The following TTC4 variants were observed in gnomAD, a reference collection of about 807,000 sequenced individuals.
The protein encoded by TTC4 is tetratricopeptide repeat domain 4.
Under a neutral mutation model 51.9 loss-of-function variants are expected in TTC4, and 36 were observed. The ratio of observed to expected loss-of-function variants is 0.69; its 90% CI spans 0.53 to 0.92. TTC4 has a LOEUF of 0.92. Ranked by LOEUF, TTC4 falls within the 40% of genes least tolerant of loss-of-function variation. The pLI is 0.00. For synonymous variants in TTC4, 144 were observed against 164.2 expected, an observed-to-expected ratio of 0.88 and a Z score of 0.94; for missense variants, 399 against 454.6, an observed-to-expected ratio of 0.88 and a Z score of 1.11.
At chr1:54,737,377 T>G in intron 8 of TTC4, 1 of 530,722 alleles carries the variant, frequency 1.9e-6, no homozygotes. Flanking sequence ...CTTGATTCTG[T>G]CTTTGGAAGA....
At chr1:54,721,641 G>A (rs2101307158) in intron 4 of TTC4, among the ~76,000 whole-genome samples, 1 of 152,252 alleles carries the variant, frequency 6.6e-6, no homozygotes, top group African/African-American at 2.4e-5. Flanking sequence ...CTTGTAGTCT[G>A]ACCTTTCTAT....
chr1:54,719,054 T>G (rs1645710694), intron 3 of TTC4, among the ~76,000 whole-genome samples: 4 of 152,208 alleles, frequency 2.6e-5, no homozygotes. Flanking sequence ...GACCAAGGGC[T>G]CAATCTTTAA....
intron 8 of TTC4, among the ~76,000 whole-genome samples, chr1:54,736,478 C>T (rs994022980): frequency 2.6e-5 from 4 of 152,024 alleles, no homozygotes; most frequent in African/African-American, 7.2e-5. Context: ...TCAAACAATC[C>T]TCCCACCTCA....
chr1:54,728,273 T>C (rs1003426528), intron 5 of TTC4, 73 bp from the exon 6 acceptor site: 1 of 1,378,528 alleles, frequency 7.3e-7, no homozygotes, highest in Non-Finnish European at 1.0e-6. Context: ...GAGATAATAA[T>C]TTAGGAGCAG....
chr1:54,739,811 G>A (rs1645990303), intron 9 of TTC4, among the ~76,000 whole-genome samples: 1 of 152,226 alleles, frequency 6.6e-6, no homozygotes, highest in African/African-American at 2.4e-5. Context: ...AGGCCTGAAT[G>A]CCCTGCTAAG....
At chr1:54,734,366 C>T (rs577832520) in intron 8 of TTC4, among the ~76,000 whole-genome samples, 2 of 151,518 alleles carry the variant, frequency 1.3e-5, no homozygotes, top group African/African-American at 4.8e-5. Flanking sequence ...GCCACCATGC[C>T]CAACCAGAAT....
intron 5 of TTC4, among the ~76,000 whole-genome samples, chr1:54,726,411 A>T (rs894651515): frequency 6.6e-6 from 1 of 152,196 alleles, no homozygotes; most frequent in African/African-American, 2.4e-5. Context: ...AACCATCTAT[A>T]TGCAGACAAC....
chr1:54,728,519 A>G, intron 6 of TTC4, 87 bp downstream of exon 6: 1 of 1,291,348 alleles, frequency 7.7e-7, no homozygotes, highest in Non-Finnish European at 1.1e-6. Flanking sequence ...GGGATGCTTT[A>G]CCTGAAGGAA....
chr1:54,735,041 G>C (rs921906211), intron 8 of TTC4, among the ~76,000 whole-genome samples: 5 of 151,982 alleles, frequency 3.3e-5, no homozygotes, highest in Admixed American at 6.5e-5. Context: ...CAGTATGGAA[G>C]AGCTCCTCAG....
chr1:54,722,525 C>A, intron 4 of TTC4, 150 bp from the exon 5 acceptor site: 3 of 1,117,366 alleles, frequency 2.7e-6, no homozygotes, highest in Non-Finnish European at 3.8e-6. Flanking sequence ...AGTATTCTCC[C>A]TTGTCTGGGG....
At chr1:54,738,382 C>T (rs771338577) in intron 9 of TTC4, among the ~76,000 whole-genome samples, 3 of 152,190 alleles carry the variant, frequency 2.0e-5, no homozygotes, top group African/African-American at 4.8e-5. Context: ...AACCATATCA[C>T]TCAGGCACCA....
chr1:54,725,913 A>T lies in TTC4; in HGVS notation c.595-2433A>T, dbSNP rs572626367. Among the ~76,000 whole-genome samples, 4 of 152,334 alleles carry T rather than the reference A, an allele frequency of 2.6e-5. No individual in the cohort carries two copies. The South Asian group carries it at 8.3e-4, about 32-fold the overall frequency. On this transcript the variant is annotated intron_variant, in intron 5 of 9. Transcript: ENST00000371281. ...CATCACACTTAAGATGTATCAGTTG[A>T]GATTATCCAGTCTGAAGAACAGAAT... is the stretch of plus-strand genomic sequence containing the variant.
At chr1:54,728,237 C>T (rs2101330863) in intron 5 of TTC4, 109 bp from the exon 6 acceptor site, 1 of 945,220 alleles carries the variant, frequency 1.1e-6, no homozygotes. Context: ...TTCCTTAACA[C>T]AGGAGCTTGG....
At chr1:54,726,157 C>T (rs977342399) in intron 5 of TTC4, among the ~76,000 whole-genome samples, 6 of 152,164 alleles carry the variant, frequency 3.9e-5, no homozygotes, top group Non-Finnish European at 5.9e-5. Context: ...TGATCTCTAC[C>T]TAAACACATT....
intron 8 of TTC4, among the ~76,000 whole-genome samples, chr1:54,733,948 T>C (rs928864497): frequency 6.6e-6 from 1 of 152,220 alleles, no homozygotes; most frequent in Non-Finnish European, 1.5e-5. Context: ...TCTTCCCAAA[T>C]TGAAACTCTA....
chr1:54,736,195 A>G lies in TTC4; in HGVS notation c.979-1387A>G, dbSNP rs912001089. Among the ~76,000 whole-genome samples, 2 of 131,622 alleles carry G rather than the reference A, an allele frequency of 1.5e-5. 1 individual carries two copies. The highest frequency in any genetic ancestry group is 5.3e-4 in the South Asian group (2 of 3,756). 86.3% of individuals were successfully genotyped at this position (131,622 alleles called of 152,430 possible). A position where few individuals can be genotyped will look rare whatever the true frequency, so the allele number is the denominator to read the frequency against. Reference sequence around the variant, plus strand: ...AGAAAGGAGAGAGAGAGAGAGAGAGAGAGAGAGAGAGAGAGAGAGAGAGAG... The same window carrying G: ...AGAAAGGAGAGAGAGAGAGAGAGAGGGAGAGAGAGAGAGAGAGAGAGAGAG... On this transcript the variant is annotated intron_variant, in intron 8 of 9. Transcript: ENST00000371281.
intron 3 of TTC4, among the ~76,000 whole-genome samples, chr1:54,720,654 A>C (rs1645732774): frequency 6.6e-6 from 1 of 152,074 alleles, no homozygotes; most frequent in African/African-American, 2.4e-5. Context: ...AATTCATGTA[A>C]TCATTACCAA....
At position 54,731,574 on chromosome 1, in the gene TTC4, G is replaced by A. The variant is rs62000431; in HGVS notation, c.770G>A (p.Ser257Asn). 6.7e-5 allele frequency: 108 copies of A among 1,614,112 alleles called. No homozygotes were observed. In the African/African-American group the frequency reaches 1.2e-3, roughly 18 times the overall value. Residue 257 changes from serine (S) to asparagine (N), a missense_variant, in exon 7 of 10, where the codon AGC (serine) becomes AAC (asparagine). This residue lies in a region of TTC4 where 316 missense variants were observed against 349.6 expected (regional missense o/e 0.90). Coordinates refer to ENST00000371281, the MANE Select transcript of TTC4 (RefSeq NM_004623.5). ...GGTGAGCTTTTCCTGGATGGACTCAGCACTGAGAACCCCCATGGAGCCAGG... is the reference window on the plus strand; with the variant it reads ...GGTGAGCTTTTCCTGGATGGACTCAACACTGAGAACCCCCATGGAGCCAGG... Reference protein sequence around the residue: ...GLGELFLDGLSTENPHGARLS... With the variant: ...GLGELFLDGLNTENPHGARLS...
At chr1:54,725,652 T>C (rs1443134945) in intron 5 of TTC4, among the ~76,000 whole-genome samples, 1 of 152,192 alleles carries the variant, frequency 6.6e-6, no homozygotes, top group Admixed American at 6.5e-5. Context: ...ATGTGGGACT[T>C]ACTAGACAAA....
Sources: gnomAD v4.1 joint callset for allele counts (sites outside exome capture counted in the v4.1 genomes callset) on GRCh38, gnomAD v4.1.1 for gene constraint, gnomAD v4.1.1 regional missense constraint, MANE v1.5 for transcripts, NCBI Gene and HGNC (gene_info 2026-07-23, HGNC 2026-07-21) for gene names.